EVC2: variants seen among roughly 807,000 people sequenced by gnomAD.
EVC2 encodes the protein EvC ciliary complex subunit 2, also known as limbin.
A neutral mutation model predicts 149.3 loss-of-function variants in EVC2; 148 were observed. The observed-to-expected ratio is 0.99, with a 90% CI of 0.87 to 1.14. EVC2 has a LOEUF of 1.14. Ranked by LOEUF, EVC2 falls within the 50% of genes most tolerant of loss-of-function variation. The pLI is 0.00. For missense variants in EVC2, 1,854 were observed against 1,627.3 expected (o/e 1.14, Z -2.40); for synonymous variants, 776 against 649.9 (o/e 1.19, Z -2.95).
intron 11 of EVC2, among the ~76,000 whole-genome samples, chr4:5,630,200 A>C (rs1369364043): frequency 6.6e-6 from 1 of 152,148 alleles, no homozygotes; most frequent in Non-Finnish European, 1.5e-5. Flanking sequence ...CCTTCTGGGA[A>C]TGGGAGGCTT....
chr4:5,633,642 T>C lies in EVC2; in HGVS notation c.1471-1610A>G, dbSNP rs913177528. Among the ~76,000 whole-genome samples, 3 of 152,174 alleles carry C rather than the reference T, an allele frequency of 2.0e-5. No individual in the cohort carries two copies. Among genetic ancestry groups the C allele is most frequent in the African/African-American group, 7.2e-5 (3 of 41,436 alleles). ...GGGTACAGCCATCCCAAATGGCCAA[T>C]AAAGGCCTGGCCTTGGGAAGCAGGC... is the stretch of plus-strand genomic sequence containing the variant. On this transcript the variant is annotated intron_variant, in intron 10 of 21. Transcript: ENST00000344408. The surrounding 1 kb of genome is among the most constrained non-coding windows in gnomAD (Gnocchi z 4.4).
At chr4:5,536,845 C>A in the EVC2 span, among the ~76,000 whole-genome samples, 1 of 151,720 alleles carries the variant, frequency 6.6e-6, no homozygotes, top group Non-Finnish European at 1.5e-5. Flanking sequence ...CCCAAAGCCT[C>A]AGGAGAAAGA....
chr4:5,563,182 C>T, intron 21 of EVC2, 67 bp from the exon 22 acceptor site: 2 of 1,490,910 alleles, frequency 1.3e-6, no homozygotes, highest in Non-Finnish European at 9.2e-7. Context: ...GTTCTGAGTT[C>T]TCCAAGAGAA....
At chr4:5,585,020 C>A (rs185078922) in intron 16 of EVC2, among the ~76,000 whole-genome samples, 170 bp from the exon 17 acceptor site, 22 of 152,248 alleles carry the variant, frequency 1.4e-4, no homozygotes, top group Non-Finnish European at 2.6e-4. Context: ...AAAGGCTGTC[C>A]CTGCGTATGA....
intron 5 of EVC2, 60 bp downstream of exon 5, chr4:5,689,097 T>C (rs762484722): frequency 8.2e-6 from 13 of 1,585,388 alleles, no homozygotes; most frequent in Non-Finnish European, 1.1e-5. Context: ...CACATTCACC[T>C]GGAAGTATCT....
At position 5,614,095 on chromosome 4, in the gene EVC2, G is replaced by C. The variant is rs1715052097; in HGVS notation, c.2829+1327C>G. Among the ~76,000 whole-genome samples, 1 of 152,158 alleles carries C rather than the reference G, an allele frequency of 6.6e-6. No individual in the cohort carries two copies. The highest frequency in any genetic ancestry group is 1.5e-5 in the Non-Finnish European group (1 of 68,024). On this transcript the variant is annotated intron_variant, in intron 16 of 21. Transcript: ENST00000344408. The surrounding 1 kb of genome is among the most constrained non-coding windows in gnomAD (Gnocchi z 4.7). ...CTGTTGGGAATCCACCCTTTGCAGG[G>C]TGCTGGGGAAGGCAGACAGACACTC... is the stretch of plus-strand genomic sequence containing the variant.
chr4:5,594,747 A>G lies in EVC2; in HGVS notation c.2830-9897T>C, dbSNP rs535745930. On this transcript the variant is annotated intron_variant, in intron 16 of 21. Transcript: ENST00000344408. ...ATGACTTGGACGAGTTGAGAGAAGA[A>G]GGCTTCAGACGATCAAACTACTCCA... Among the ~76,000 whole-genome samples the G allele has an allele frequency of 7.9e-5, 12 of 152,350 alleles. No homozygotes were observed. The South Asian group carries it at 2.1e-3, about 26-fold the overall frequency.
intron 5 of EVC2, among the ~76,000 whole-genome samples, chr4:5,687,130 G>A (rs541777752): frequency 1.3e-5 from 2 of 152,200 alleles, no homozygotes; most frequent in Non-Finnish European, 2.9e-5. Context: ...GGTGGCACAC[G>A]CCTGTAGACC....
chr4:5,682,215 G>C (rs1351287705), intron 6 of EVC2, among the ~76,000 whole-genome samples: 2 of 152,162 alleles, frequency 1.3e-5, no homozygotes, highest in Non-Finnish European at 2.9e-5. Context: ...AGCAGGCCGG[G>C]GGCGGTGGCT....
rs1265138302 is a variant in EVC2, at chr4:5,670,811, T to C, written c.871-5162A>G. Among the ~76,000 whole-genome samples the C allele has an allele frequency of 6.6e-6, 1 of 151,502 alleles. No homozygotes were observed. Among genetic ancestry groups the C allele is most frequent in the East Asian group, 1.9e-4 (1 of 5,138 alleles). On this transcript the variant is annotated intron_variant, in intron 7 of 21. Coordinates refer to ENST00000344408, the MANE Select transcript of EVC2 (RefSeq NM_147127.5). The surrounding 1 kb of genome is among the most constrained non-coding windows in gnomAD (Gnocchi z 5.2). Reference sequence around the variant, plus strand: ...ATCACCACCATGACCACCACCACCATTACCATAGCCACCATCACTATCAAC... The same window carrying C: ...ATCACCACCATGACCACCACCACCACTACCATAGCCACCATCACTATCAAC...
At chr4:5,666,526 T>G (rs749454112) in intron 7 of EVC2, among the ~76,000 whole-genome samples, 2 of 152,220 alleles carry the variant, frequency 1.3e-5, no homozygotes, top group South Asian at 4.1e-4. Flanking sequence ...AAGTTTTTCA[T>G]GGCCTATCTT....
At chr4:5,646,321 T>A (rs1406351876) in intron 9 of EVC2, among the ~76,000 whole-genome samples, 1 of 152,212 alleles carries the variant, frequency 6.6e-6, no homozygotes, top group Non-Finnish European at 1.5e-5. Flanking sequence ...ATGATCTTTT[T>A]TTCATATGTT....
rs748254452 is a variant in EVC2 at position 5,689,295 on chromosome 4, TA to T, written c.567del (p.Asn190ThrfsTer88). 76 of 1,614,026 alleles carry T rather than the reference TA, an allele frequency of 4.7e-5. No individual in the cohort carries two copies. Among genetic ancestry groups the T allele is most frequent in the Non-Finnish European group, 8.5e-7 (1 of 1,180,042 alleles). Reference sequence around the variant, plus strand: ...GCTGACGAGGTTGTCTTGGTGTTGTTAACAAGCAGCCATATGCGGGCTGTCT... The same window carrying T: ...GCTGACGAGGTTGTCTTGGTGTTGTTACAAGCAGCCATATGCGGGCTGTCT... ...EAQTARIWLL[V>X]NNTKTTSSAN... On this transcript the variant is annotated frameshift_variant, in exon 5 of 22. Transcript: ENST00000344408. LOFTEE classifies it high-confidence loss of function.
intron 1 of EVC2, among the ~76,000 whole-genome samples, chr4:5,702,172 C>T (rs1042635123): frequency 1.1e-4 from 16 of 152,130 alleles, no homozygotes; most frequent in Non-Finnish European, 2.1e-4. Context: ...CCACTCCATT[C>T]GGGGATCCGC....
At chr4:5,572,286 G>C (rs936649025) in intron 19 of EVC2, among the ~76,000 whole-genome samples, 8 of 152,200 alleles carry the variant, frequency 5.3e-5, no homozygotes, top group African/African-American at 1.9e-4. Flanking sequence ...CTTCAGCAGA[G>C]TGCTATTGTT....
chr4:5,663,400 T>C (rs1337211229), intron 8 of EVC2, among the ~76,000 whole-genome samples, 154 bp from the exon 9 acceptor site: 2 of 152,236 alleles, frequency 1.3e-5, no homozygotes, highest in African/African-American at 4.8e-5. Context: ...CTTTTGCGAA[T>C]GTCCCTGAGC....
intron 20 of EVC2, among the ~76,000 whole-genome samples, chr4:5,568,046 A>G (rs1722408288): frequency 6.6e-6 from 1 of 152,198 alleles, no homozygotes; most frequent in Admixed American, 6.5e-5. Flanking sequence ...ACATATTTAC[A>G]TGCACAACAC....
intron 6 of EVC2, among the ~76,000 whole-genome samples, chr4:5,682,852 G>C (rs1378502783): frequency 6.7e-6 from 1 of 148,570 alleles, no homozygotes; most frequent in Admixed American, 6.7e-5. Context: ...GGAGTGAAAC[G>C]CTGTCTCAAA....
chr4:5,681,354 G>T (rs1720332759), intron 6 of EVC2, 41 bp from the exon 7 acceptor site: 1 of 1,607,264 alleles, frequency 6.2e-7, no homozygotes, highest in Admixed American at 1.7e-5. Flanking sequence ...CAACAGTTTG[G>T]GGTCTGACAC....
Sources: gnomAD v4.1 joint callset for allele counts (sites outside exome capture counted in the v4.1 genomes callset) on GRCh38, gnomAD v4.1.1 for gene constraint, Gnocchi (gnomAD v3.1) non-coding constraint, MANE v1.5 for transcripts, NCBI Gene and HGNC (gene_info 2026-07-23, HGNC 2026-07-21) for gene names.